The following GPC5 variants were observed in gnomAD, a reference collection of about 807,000 sequenced individuals.
The protein encoded by GPC5 is glypican-5.
GPC5 carries 47 observed loss-of-function variants against 53.9 expected under a neutral mutation model. The observed-to-expected ratio is 0.87, with a 90% CI of 0.69 to 1.11. GPC5 has a LOEUF of 1.11. GPC5 is among the 50% of genes most tolerant of loss of function. GPC5 has a pLI of 0.00. For missense variants in GPC5, 748 were observed against 713.1 expected (o/e 1.05, Z -0.56); for synonymous variants, 286 against 263.3 (o/e 1.09, Z -0.84).
chr13:92,546,428 G>A (rs1882115464), intron 7 of GPC5, among the ~76,000 whole-genome samples: 1 of 152,074 alleles, frequency 6.6e-6, no homozygotes, highest in Non-Finnish European at 1.5e-5. Context: ...TTGCTTCAAA[G>A]AGAATAAATT....
At position 92,085,461 on chromosome 13, in the gene GPC5, TAAG is replaced by T. The variant is rs1425706563; in HGVS notation, c.1402-59368_1402-59366del. On this transcript the variant is annotated intron_variant, in intron 6 of 7. Transcript: ENST00000377067. ...ATCATGAGTGGAAGAACAGACTCTC[TAAG>T]TAGTGAAGGGAAATAGAGCAACATT... 2.0e-5 allele frequency among the ~76,000 whole-genome samples: 3 copies of T among 152,276 alleles called. No individual in the cohort carries two copies. The East Asian group carries it at 5.8e-4, about 29-fold the overall frequency.
intron 2 of GPC5, among the ~76,000 whole-genome samples, chr13:91,593,043 T>C (rs191044466): frequency 1.5e-3 from 235 of 152,330 alleles, no homozygotes; most frequent in Admixed American, 4.9e-3. Context: ...GACCCATCTG[T>C]GCCTATTCTC....
chr13:92,757,817 T>C (rs1027491393), intron 7 of GPC5, among the ~76,000 whole-genome samples: 1 of 152,002 alleles, frequency 6.6e-6, no homozygotes, highest in Non-Finnish European at 1.5e-5. Context: ...GCAATCATTA[T>C]AAAGTCAGGA....
chr13:91,871,650 T>C (rs1167802929), intron 5 of GPC5, among the ~76,000 whole-genome samples: 4 of 152,180 alleles, frequency 2.6e-5, no homozygotes, highest in Non-Finnish European at 4.4e-5. Context: ...AATTTTAGTA[T>C]ATTAATTACA....
chr13:92,202,499 A>C (rs2042302488), intron 7 of GPC5, among the ~76,000 whole-genome samples: 1 of 152,210 alleles, frequency 6.6e-6, no homozygotes, highest in African/African-American at 2.4e-5. Flanking sequence ...TATCATTTTG[A>C]TGTAGTGTTT....
intron 6 of GPC5, among the ~76,000 whole-genome samples, chr13:92,075,864 T>C (rs2041247614): frequency 6.6e-6 from 1 of 152,208 alleles, no homozygotes; most frequent in Admixed American, 6.5e-5. Flanking sequence ...AGCCAATCAA[T>C]AAAATTAATT....
At chr13:92,035,061 G>A (rs1476009269) in intron 6 of GPC5, among the ~76,000 whole-genome samples, 1 of 151,978 alleles carries the variant, frequency 6.6e-6, no homozygotes, top group Non-Finnish European at 1.5e-5. Flanking sequence ...AAACATTCGA[G>A]TTGACTTTTG....
rs2039445772 is a variant in GPC5 at position 91,896,667 on chromosome 13, A to G, written c.1281-11270A>G. ...AATCTCTAGGTCATCTAGACCGGAA[A>G]CTTCCATTCTATTTAGACTCCAGAG... On this transcript the variant is annotated intron_variant, in intron 5 of 7. Coordinates refer to ENST00000377067, the MANE Select transcript of GPC5 (RefSeq NM_004466.6). Among the ~76,000 whole-genome samples the G allele has an allele frequency of 3.3e-5, 5 of 152,168 alleles. No homozygotes were observed. In the South Asian group the frequency reaches 1.0e-3, roughly 31 times the overall value.
At chr13:91,880,202 A>G (rs1270833094) in intron 5 of GPC5, among the ~76,000 whole-genome samples, 1 of 152,022 alleles carries the variant, frequency 6.6e-6, no homozygotes, top group Non-Finnish European at 1.5e-5. Context: ...GATTCATTTA[A>G]CCAGTACATG....
chr13:92,181,215 GA>G (rs961752977), intron 7 of GPC5, among the ~76,000 whole-genome samples: 20 of 150,912 alleles, frequency 1.3e-4, no homozygotes, highest in African/African-American at 3.9e-4. Flanking sequence ...ACTAGAAGGA[GA>G]AAAAAAAATT....
At chr13:92,422,310 C>T (rs1289718513) in intron 7 of GPC5, among the ~76,000 whole-genome samples, 1 of 152,076 alleles carries the variant, frequency 6.6e-6, no homozygotes, top group Non-Finnish European at 1.5e-5. Flanking sequence ...TAAATAAGTA[C>T]AATACACTTT....
At chr13:92,355,742 T>G (rs763333867) in intron 7 of GPC5, among the ~76,000 whole-genome samples, 12 of 152,148 alleles carry the variant, frequency 7.9e-5, no homozygotes, top group Non-Finnish European at 1.6e-4. Context: ...TTAGATTTTG[T>G]CATTACCAAT....
intron 5 of GPC5, among the ~76,000 whole-genome samples, chr13:91,904,709 G>A (rs2039535169): frequency 6.6e-6 from 1 of 151,994 alleles, no homozygotes; most frequent in Non-Finnish European, 1.5e-5. Flanking sequence ...TTTTATTAAG[G>A]GAAATTCCTA....
At chr13:92,005,432 C>A (rs984064189) in intron 6 of GPC5, among the ~76,000 whole-genome samples, 7 of 152,050 alleles carry the variant, frequency 4.6e-5, no homozygotes, top group Non-Finnish European at 1.0e-4. Context: ...TGGTTAGGGC[C>A]CTCAGCTTCA....
intron 7 of GPC5, among the ~76,000 whole-genome samples, chr13:92,493,273 T>C (rs1879835661): frequency 6.6e-6 from 1 of 152,246 alleles, no homozygotes; most frequent in Non-Finnish European, 1.5e-5. Flanking sequence ...TTAATTTATA[T>C]ACATTGACAG....
intron 7 of GPC5, among the ~76,000 whole-genome samples, chr13:92,642,149 G>T (rs1267982690): frequency 6.6e-6 from 1 of 152,132 alleles, no homozygotes; most frequent in Non-Finnish European, 1.5e-5. Context: ...CCTCTGCTTT[G>T]GGTCTACCTG....
intron 2 of GPC5, among the ~76,000 whole-genome samples, chr13:91,659,974 A>G (rs2034946133): frequency 6.6e-6 from 1 of 152,232 alleles, no homozygotes; most frequent in Non-Finnish European, 1.5e-5. Context: ...GCAGAGAATC[A>G]AAGGCAGGCA....
At chr13:92,286,119 AC>A (rs1194539578) in intron 7 of GPC5, among the ~76,000 whole-genome samples, 3 of 152,212 alleles carry the variant, frequency 2.0e-5, no homozygotes, top group Non-Finnish European at 2.9e-5. Flanking sequence ...TATGCAGCCA[AC>A]AGACACGTGA....
chr13:91,528,885 C>T (rs547903906), intron 2 of GPC5, among the ~76,000 whole-genome samples: 1 of 152,132 alleles, frequency 6.6e-6, no homozygotes, highest in Non-Finnish European at 1.5e-5. Flanking sequence ...CATCAGAGTG[C>T]GTGAGAACCC....
Sources: gnomAD v4.1 joint callset for allele counts (sites outside exome capture counted in the v4.1 genomes callset) on GRCh38, gnomAD v4.1.1 for gene constraint, MANE v1.5 for transcripts, NCBI Gene and HGNC (gene_info 2026-07-23, HGNC 2026-07-21) for gene names.